Variants in TMC2 observed in about 807,000 individuals in gnomAD.
TMC2 encodes transmembrane channel-like protein 2.
TMC2 carries 102 observed loss-of-function variants against 105.9 expected under a neutral mutation model. The observed-to-expected ratio is 0.96, with a 90% CI of 0.82 to 1.14. TMC2 has a LOEUF of 1.14. Among genes scored for constraint, TMC2 ranks in the 50% most tolerant of loss-of-function variants. The probability of loss-of-function intolerance (pLI) is 0.00; values close to 1 mark genes in which losing one functional copy is unlikely to be tolerated. For missense variants in TMC2, 1,093 were observed against 1,134.3 expected, an observed-to-expected ratio of 0.96 and a Z score of 0.52; for synonymous variants, 402 against 422.8, an observed-to-expected ratio of 0.95 and a Z score of 0.60.
At chr20:2,550,690 C>T (rs2085951523) in intron 2 of TMC2, among the ~76,000 whole-genome samples, 1 of 152,194 alleles carries the variant, frequency 6.6e-6, no homozygotes, top group South Asian at 2.1e-4. Flanking sequence ...TTTCCGCTGT[C>T]TCTAGAGTGT....
intron 14 of TMC2, among the ~76,000 whole-genome samples, chr20:2,615,348 C>T (rs780031490): frequency 6.6e-5 from 10 of 152,270 alleles, no homozygotes; most frequent in Admixed American, 2.0e-4. Flanking sequence ...GACTTCACCC[C>T]GTGGACTTAA....
chr20:2,619,660 G>A (rs992073260), intron 16 of TMC2, among the ~76,000 whole-genome samples: 1 of 152,164 alleles, frequency 6.6e-6, no homozygotes, highest in Non-Finnish European at 1.5e-5. Context: ...CACACAGAAG[G>A]AGGGGATCAG....
At chr20:2,556,883 G>A (rs372846238) in intron 2 of TMC2, among the ~76,000 whole-genome samples, 29 of 134,642 alleles carry the variant, frequency 2.2e-4, no homozygotes, top group East Asian at 1.3e-3. Context: ...TTTTTTTTCC[G>A]TCAGCACTTT....
intron 11 of TMC2, among the ~76,000 whole-genome samples, chr20:2,608,122 TA>T (rs201069847): frequency 2.0e-3 from 261 of 130,398 alleles, no homozygotes; most frequent in Middle Eastern, 3.8e-3. Flanking sequence ...AAAACTGTCT[TA>T]AAAAAAAAAA....
Position 2,558,249 on chromosome 20 carries a change from C to T in TMC2, c.83-207C>T. ...GGGAGGGAGAAGGCCAGAGAGTGAC[C>T]TTCCTGCTTCTGCAGTTTTCTTAGT... On this transcript the variant is annotated intron_variant, in intron 2 of 19. Coordinates refer to ENST00000358864, the MANE Select transcript of TMC2 (RefSeq NM_080751.3). This position sits in a 1 kb window ranked among gnomAD's most constrained non-coding sequence, Gnocchi z 4.6. 7.8e-7 allele frequency: 1 copy of T among 1,275,450 alleles called. No homozygotes were observed. The highest frequency in any genetic ancestry group is 1.0e-6 in the Non-Finnish European group (1 of 954,280). 79.0% of individuals were successfully genotyped at this position (1,275,450 alleles called of 1,614,324 possible). A position where few individuals can be genotyped will look rare whatever the true frequency, so the allele number is the denominator to read the frequency against.
intron 17 of TMC2, among the ~76,000 whole-genome samples, chr20:2,630,783 A>C (rs894533047): frequency 6.6e-6 from 1 of 152,218 alleles, no homozygotes; most frequent in African/African-American, 2.4e-5. Context: ...TGTTTGTACC[A>C]CTGCATTCCA....
chr20:2,613,171 C>G (rs1286136375), intron 13 of TMC2, 23 bp from the exon 14 acceptor site: 1 of 1,605,608 alleles, frequency 6.2e-7, no homozygotes, highest in East Asian at 2.2e-5. Flanking sequence ...CCAACCACCC[C>G]CTCTTCCTGT....
rs75369688 is a variant in TMC2, at chr20:2,613,369, T to A, written c.1872+47T>A. ...ATTCCGCACAAAGGAATTTCAACTA[T>A]CTTCTTTGATACTTATAGCCAGATG... On this transcript the variant is annotated intron_variant, in intron 14 of 19. Transcript: ENST00000358864. The A allele has an allele frequency of 6.2e-4, 1,005 of 1,612,726 alleles. 12 individuals are homozygous for A. The East Asian group carries it at 0.02, about 32-fold the overall frequency.
At chr20:2,548,706 C>T (rs983158545) in intron 2 of TMC2, among the ~76,000 whole-genome samples, 2 of 151,608 alleles carry the variant, frequency 1.3e-5, no homozygotes, top group African/African-American at 2.4e-5. Flanking sequence ...AAACTCAATA[C>T]CAGTTCAAGG....
chr20:2,594,499 A>T (rs933036141), intron 8 of TMC2, among the ~76,000 whole-genome samples: 1 of 152,128 alleles, frequency 6.6e-6, no homozygotes, highest in Admixed American at 6.5e-5. Flanking sequence ...AAGTGCTGGG[A>T]TTACGGGCGT....
chr20:2,625,788 T>C (rs1462606098), intron 17 of TMC2, among the ~76,000 whole-genome samples: 1 of 152,246 alleles, frequency 6.6e-6, no homozygotes, highest in Non-Finnish European at 1.5e-5. Flanking sequence ...CAGCATGTGT[T>C]TCTTCAATCT....
intron 2 of TMC2, among the ~76,000 whole-genome samples, chr20:2,557,103 G>C (rs192961291): frequency 6.6e-6 from 1 of 152,074 alleles, no homozygotes; most frequent in Non-Finnish European, 1.5e-5. Flanking sequence ...GGGCTTTCTC[G>C]ATGTGTGGTT....
intron 2 of TMC2, among the ~76,000 whole-genome samples, chr20:2,549,367 T>C (rs2085943207): frequency 6.6e-6 from 1 of 152,244 alleles, no homozygotes; most frequent in South Asian, 2.1e-4. Flanking sequence ...AAGCACTTAA[T>C]ATCTTAATTC....
chr20:2,565,275 C>T (rs775175444), intron 4 of TMC2, among the ~76,000 whole-genome samples: 6 of 152,256 alleles, frequency 3.9e-5, no homozygotes, highest in Non-Finnish European at 7.3e-5. Context: ...CACAATCACC[C>T]TGTGATGTCG....
At chr20:2,568,665 A>G (rs1361049165) in intron 4 of TMC2, among the ~76,000 whole-genome samples, 3 of 152,248 alleles carry the variant, frequency 2.0e-5, no homozygotes, top group Non-Finnish European at 4.4e-5. Flanking sequence ...ATACAGGAAG[A>G]AGACAAAAAT....
intron 4 of TMC2, among the ~76,000 whole-genome samples, chr20:2,565,394 A>G (rs2086056499): frequency 6.6e-6 from 1 of 152,126 alleles, no homozygotes; most frequent in Non-Finnish European, 1.5e-5. Context: ...CAGAGCCTGC[A>G]CTGTTTTTTT....
chr20:2,563,117 T>C (rs919211260), intron 4 of TMC2, among the ~76,000 whole-genome samples: 1 of 152,154 alleles, frequency 6.6e-6, no homozygotes, highest in African/African-American at 2.4e-5. Context: ...AGGAAGCCCA[T>C]GCTCCCTGGC....
chr20:2,612,946 C>A (rs905732215), intron 13 of TMC2, among the ~76,000 whole-genome samples: 38 of 152,302 alleles, frequency 2.5e-4, no homozygotes, highest in African/African-American at 8.7e-4. Flanking sequence ...AGATTGATAT[C>A]AATATCAACT....
chr20:2,538,565 C>T (rs2085867357), intron 2 of TMC2, among the ~76,000 whole-genome samples: 1 of 152,184 alleles, frequency 6.6e-6, no homozygotes, highest in Non-Finnish European at 1.5e-5. Context: ...CCTTCCGCAC[C>T]CAGCCTGGCC....
Sources: allele counts gnomAD v4.1 joint callset (sites outside exome capture counted in the v4.1 genomes callset), GRCh38; gene constraint gnomAD v4.1.1; non-coding constraint Gnocchi (gnomAD v3.1); transcripts MANE v1.5; gene names NCBI Gene and HGNC (gene_info 2026-07-23, HGNC 2026-07-21).